BICC1: variants seen among roughly 807,000 people sequenced by gnomAD.
The protein encoded by BICC1 is BicC family RNA binding protein 1, also known as protein bicaudal C homolog 1.
A neutral mutation model predicts 111.0 loss-of-function variants in BICC1; 43 were observed. The ratio of observed to expected loss-of-function variants is 0.39; its 90% confidence interval spans 0.30 to 0.50. The LOEUF (loss-of-function observed/expected upper bound fraction) is 0.50, where lower values mean the gene tolerates loss of function less well. Among genes scored for constraint, BICC1 ranks in the 20% least tolerant of loss-of-function variants. The pLI is 0.88. For synonymous variants in BICC1, 467 were observed against 434.4 expected, an observed-to-expected ratio of 1.07 and a Z score of -0.93; for missense variants, 1,091 against 1,203.2, an observed-to-expected ratio of 0.91 and a Z score of 1.38.
In BICC1 at chr10:58,775,411, CA is replaced by C. The variant is rs199683267; in HGVS notation, c.308-9581del. 1.1e-3 allele frequency among the ~76,000 whole-genome samples: 169 copies of C among 149,906 alleles called. 1 individual carries two copies. Among genetic ancestry groups the C allele is most frequent in the African/African-American group, 3.8e-3 (156 of 40,872 alleles). ...AAAACAAAAAACAAAAAAAAACAAACAAAAAAAAACATTTAAGCAGGAACTT... is the reference window on the plus strand; with the variant it reads ...AAAACAAAAAACAAAAAAAAACAAACAAAAAAAACATTTAAGCAGGAACTT... On this transcript the variant is annotated intron_variant, in intron 3 of 20. Coordinates refer to ENST00000373886, the MANE Select transcript of BICC1 (RefSeq NM_001080512.3).
At chr10:58,744,735 C>T (rs541069844) in intron 3 of BICC1, among the ~76,000 whole-genome samples, 3 of 152,172 alleles carry the variant, frequency 2.0e-5, no homozygotes, top group Middle Eastern at 3.4e-3. Context: ...ATTCAGATGT[C>T]TCTCTCTGAT....
At chr10:58,589,006 C>G (rs1032775963) in intron 1 of BICC1, among the ~76,000 whole-genome samples, 8 of 152,264 alleles carry the variant, frequency 5.3e-5, no homozygotes, top group African/African-American at 1.9e-4. Flanking sequence ...ACCCTAGTCC[C>G]TGTGACTGCT....
chr10:58,621,515 CAA>C (rs66746218), intron 2 of BICC1, among the ~76,000 whole-genome samples: 51,691 of 151,830 alleles, frequency 0.34, 9,919 homozygotes, highest in East Asian at 0.47. Flanking sequence ...AAGGGTAAGA[CAA>C]GAGAAGACGA....
intron 2 of BICC1, among the ~76,000 whole-genome samples, chr10:58,621,672 G>T (rs1227679712): frequency 2.0e-5 from 3 of 152,056 alleles, no homozygotes; most frequent in Non-Finnish European, 4.4e-5. Flanking sequence ...TTGGGAAGCT[G>T]AGGCAGGTGG....
intron 2 of BICC1, among the ~76,000 whole-genome samples, chr10:58,642,552 T>C (rs1172668671): frequency 6.6e-6 from 1 of 152,164 alleles, no homozygotes; most frequent in Non-Finnish European, 1.5e-5. Context: ...TGTGCAGTCA[T>C]CCTTTCTGTT....
chr10:58,749,529 T>G (rs1226424914), intron 3 of BICC1, among the ~76,000 whole-genome samples: 2 of 152,166 alleles, frequency 1.3e-5, no homozygotes, highest in East Asian at 1.9e-4. Flanking sequence ...CTGTTACATA[T>G]AATGTATCCA....
At chr10:58,800,457 G>A in intron 13 of BICC1, 131 bp downstream of exon 13, 1 of 812,458 alleles carries the variant, frequency 1.2e-6, no homozygotes, top group Non-Finnish European at 1.8e-6. Flanking sequence ...CAATTATGTG[G>A]AAAGACAACA....
intron 2 of BICC1, among the ~76,000 whole-genome samples, chr10:58,639,333 T>C (rs562443046): frequency 1.3e-5 from 2 of 152,280 alleles, no homozygotes; most frequent in South Asian, 4.1e-4. Context: ...AAGCTTTTAT[T>C]TTCCTAAATT....
intron 3 of BICC1, among the ~76,000 whole-genome samples, chr10:58,748,779 C>G (rs1050115367): frequency 1.3e-5 from 2 of 152,092 alleles, no homozygotes; most frequent in African/African-American, 4.8e-5. Flanking sequence ...AGCCCTACCC[C>G]CTGAGACTCT....
intron 1 of BICC1, among the ~76,000 whole-genome samples, chr10:58,570,140 T>A (rs1354585192): frequency 6.6e-6 from 1 of 152,236 alleles, no homozygotes; most frequent in Admixed American, 6.5e-5. Context: ...AAGTTGTCAG[T>A]TGCAGTAAGC....
chr10:58,583,520 C>T (rs920927914), intron 1 of BICC1, among the ~76,000 whole-genome samples: 9 of 151,568 alleles, frequency 5.9e-5, no homozygotes, highest in Non-Finnish European at 1.0e-4. Context: ...TCTCTAATTC[C>T]ATCTAGGTTG....
chr10:58,805,892 C>T (rs926579190), intron 15 of BICC1, among the ~76,000 whole-genome samples: 17 of 152,180 alleles, frequency 1.1e-4, no homozygotes, highest in Non-Finnish European at 2.2e-4. Flanking sequence ...TCAAAATGAT[C>T]TATCTTAGTC....
At chr10:58,675,897 A>T (rs10763573) in intron 2 of BICC1, among the ~76,000 whole-genome samples, 148,855 of 152,332 alleles carry the variant, frequency 0.98, 72,850 homozygotes, top group Middle Eastern at 1. Flanking sequence ...AGACTAACGC[A>T]GAAGGCGGGT....
chr10:58,644,549 C>T (rs1240514409), intron 2 of BICC1, among the ~76,000 whole-genome samples: 1 of 152,160 alleles, frequency 6.6e-6, no homozygotes, highest in African/African-American at 2.4e-5. Context: ...CTATACGTGC[C>T]TTGTGGCAAT....
chr10:58,657,146 C>T (rs1838683109), intron 2 of BICC1, among the ~76,000 whole-genome samples: 1 of 152,164 alleles, frequency 6.6e-6, no homozygotes, highest in South Asian at 2.1e-4. Flanking sequence ...TCCTACTATC[C>T]CTACTCTTGC....
At chr10:58,594,170 T>A (rs1244380889) in intron 1 of BICC1, among the ~76,000 whole-genome samples, 1 of 151,380 alleles carries the variant, frequency 6.6e-6, no homozygotes, top group African/African-American at 2.4e-5. Flanking sequence ...GAGACAAGAT[T>A]AGAGAAAAAA....
intron 4 of BICC1, 41 bp from the exon 5 acceptor site, chr10:58,786,882 C>G: frequency 6.8e-7 from 1 of 1,459,928 alleles, no homozygotes; most frequent in Non-Finnish European, 9.1e-7. Context: ...TCATTCTTTC[C>G]TTTTGCATAC....
intron 2 of BICC1, among the ~76,000 whole-genome samples, chr10:58,696,532 A>G (rs1456231040): frequency 6.6e-6 from 1 of 152,170 alleles, no homozygotes; most frequent in East Asian, 1.9e-4. Context: ...CTAACAACAG[A>G]AATTTAAAAC....
intron 3 of BICC1, among the ~76,000 whole-genome samples, chr10:58,760,245 CT>C (rs1842273579): frequency 6.6e-6 from 1 of 152,138 alleles, no homozygotes. Context: ...TGTTAAATTA[CT>C]GTAAATTACA....
Sources: gnomAD v4.1 joint callset for allele counts (sites outside exome capture counted in the v4.1 genomes callset) on GRCh38, gnomAD v4.1.1 for gene constraint, MANE v1.5 for transcripts, NCBI Gene and HGNC (gene_info 2026-07-23, HGNC 2026-07-21) for gene names.